Variants in SCN1A observed in about 807,000 individuals in gnomAD.
SCN1A encodes the protein sodium channel protein type 1 subunit alpha.
SCN1A carries 13 observed loss-of-function variants against 193.7 expected under a neutral mutation model. That is an observed-to-expected ratio of 0.07 (90% confidence interval 0.04 to 0.11). The LOEUF (loss-of-function observed/expected upper bound fraction) is 0.11, where lower values mean the gene tolerates loss of function less well. Ranked by LOEUF, SCN1A falls within the 10% of genes least tolerant of loss-of-function variation. SCN1A has a pLI of 1.00. For synonymous variants in SCN1A, 781 were observed against 843.6 expected (o/e 0.93, Z 1.29); for missense variants, 1,432 against 2,451.1 (o/e 0.58, Z 8.78).
At chr2:166,078,185 A>G (rs1292580249) in intron 2 of SCN1A, among the ~76,000 whole-genome samples, 2 of 151,716 alleles carry the variant, frequency 1.3e-5, no homozygotes, top group African/African-American at 4.8e-5. Flanking sequence ...TGATATATCA[A>G]ATTGGGTTCA....
At chr2:166,132,303 A>G (rs1328567969), upstream of SCN1A, among the ~76,000 whole-genome samples, 1 of 151,950 alleles carries the variant, frequency 6.6e-6, no homozygotes, top group Non-Finnish European at 1.5e-5. Context: ...GATAAAGCAC[A>G]CTACTGATGT....
chr2:166,044,747 G>T (rs1317032336), intron 13 of SCN1A, among the ~76,000 whole-genome samples: 11 of 151,914 alleles, frequency 7.2e-5, no homozygotes, highest in Non-Finnish European at 2.9e-5. Context: ...AAAGTGCTGA[G>T]GATCAAAAAG....
intron 2 of SCN1A, among the ~76,000 whole-genome samples, chr2:166,091,940 A>T (rs971687516): frequency 6.6e-6 from 1 of 152,160 alleles, no homozygotes; most frequent in African/African-American, 2.4e-5. Flanking sequence ...GGGCTATAGG[A>T]AGGGCAAATG....
intron 2 of SCN1A, among the ~76,000 whole-genome samples, chr2:166,094,644 C>T (rs560470833): frequency 3.2e-4 from 48 of 152,334 alleles, no homozygotes; most frequent in Admixed American, 2.0e-3. Context: ...TGGCATCTTA[C>T]TAGCAGTTTC....
intron 2 of SCN1A, among the ~76,000 whole-genome samples, chr2:166,101,346 C>T (rs1267630575): frequency 3.7e-5 from 4 of 108,386 alleles, no homozygotes; most frequent in African/African-American, 7.5e-5. Context: ...ATATCACACT[C>T]TGGGGACTGT....
upstream of SCN1A, among the ~76,000 whole-genome samples, chr2:166,129,893 C>T (rs1691583473): frequency 6.6e-6 from 1 of 152,102 alleles, no homozygotes; most frequent in South Asian, 2.1e-4. Flanking sequence ...CTACAGAGGA[C>T]TGGAGCAAGA....
chr2:166,011,364 T>G (rs1266204634), intron 22 of SCN1A, among the ~76,000 whole-genome samples: 2 of 151,114 alleles, frequency 1.3e-5, no homozygotes, highest in Non-Finnish European at 3.0e-5. Context: ...ATAGAAAACA[T>G]GATGCTTAAC....
chr2:166,066,332 C>T (rs1683839384), intron 4 of SCN1A, among the ~76,000 whole-genome samples: 1 of 152,126 alleles, frequency 6.6e-6, no homozygotes, highest in Non-Finnish European at 1.5e-5. Flanking sequence ...GGAAAGAACA[C>T]TTTTGAGCCC....
At chr2:166,135,426 A>G (rs977581798) in intron 1 of SCN1A, among the ~76,000 whole-genome samples, 4 of 152,144 alleles carry the variant, frequency 2.6e-5, no homozygotes, top group African/African-American at 9.7e-5. Flanking sequence ...TTTTCCTTTC[A>G]TGTTCAAAGG....
chr2:166,071,582 T>A (rs1339988984), intron 4 of SCN1A: 1 of 145,020 alleles, frequency 6.9e-6, no homozygotes, highest in African/African-American at 2.7e-5. Flanking sequence ...TGTATAATGT[T>A]TAAAAAAAAA....
At chr2:166,072,707 G>A (rs967183793) in intron 4 of SCN1A, among the ~76,000 whole-genome samples, 1 of 151,776 alleles carries the variant, frequency 6.6e-6, no homozygotes, top group Non-Finnish European at 1.5e-5. Flanking sequence ...GTATTTCCAA[G>A]TACAGAAAGT....
intron 2 of SCN1A, among the ~76,000 whole-genome samples, chr2:166,100,120 A>T (rs1687876155): frequency 7.3e-6 from 1 of 137,812 alleles, no homozygotes; most frequent in Non-Finnish European, 1.6e-5. Context: ...CTATACTACA[A>T]GGCTACAGTA....
At chr2:166,130,570 C>G (rs1359166976), upstream of SCN1A, among the ~76,000 whole-genome samples, 1 of 152,174 alleles carries the variant, frequency 6.6e-6, no homozygotes, top group African/African-American at 2.4e-5. Flanking sequence ...TTTCTATTTT[C>G]TCAGCAGATA....
In SCN1A at chr2:165,991,665, A is replaced by T. The variant is rs1403005079; in HGVS notation, c.5610T>A (p.Ala1870=). 2.5e-6 allele frequency: 4 copies of T among 1,613,912 alleles called. No homozygotes were observed. The highest frequency in any genetic ancestry group is 3.4e-6 in the Non-Finnish European group (4 of 1,179,922). Residue 1870 remains alanine, a synonymous_variant, in exon 29 of 29, where the codon GCT becomes GCA. Transcript: ENST00000674923. The stretch of plus-strand genomic sequence containing the variant: ...TCTCTCCTAGAACCCGCTTTGTAAA[A>T]GCAAATAAGATATCAAGACAGTGGA... The part of the protein sequence containing the change: ...DRIHCLDILF[A]FTKRVLGESG...
In SCN1A at chr2:166,076,006, T is replaced by TG. The variant is rs575606551; in HGVS notation, c.-50+1703_-50+1704insC. ...TTAAAAACAGCCCATTTTTTCCTTC[T>TG]ATTTTTTTCAATCTATAGCATCTTT... On this transcript the variant is annotated intron_variant, in intron 3 of 28. Coordinates refer to ENST00000674923, the MANE Select transcript of SCN1A (RefSeq NM_001165963.4). 2.0e-3 allele frequency among the ~76,000 whole-genome samples: 308 copies of TG among 152,148 alleles called. 2 individuals are homozygous for TG. The highest frequency in any genetic ancestry group is 7.1e-3 in the African/African-American group (296 of 41,572).
rs1305953931 is a variant in SCN1A at position 165,988,067 on chromosome 2, C to T, written c.*3178G>A. ...GTTGAGGCTATATTCCCTCTTCTGG[C>T]TTCACCTGATGACAAGGGAAGGCTT... is the stretch of plus-strand genomic sequence containing the variant. On this transcript the variant is annotated 3_prime_UTR_variant, in exon 29 of 29. Coordinates refer to ENST00000674923, the MANE Select transcript of SCN1A (RefSeq NM_001165963.4). 6.6e-6 allele frequency: 1 copy of T among 152,080 alleles called. No homozygotes were observed. The highest frequency in any genetic ancestry group is 1.5e-5 in the Non-Finnish European group (1 of 68,030). 9.4% of individuals were successfully genotyped at this position (152,080 alleles called of 1,614,324 possible).
At chr2:166,031,737 A>G (rs999696741) in intron 19 of SCN1A, among the ~76,000 whole-genome samples, 22 of 152,118 alleles carry the variant, frequency 1.4e-4, no homozygotes, top group African/African-American at 3.1e-4. Context: ...CAGATATTCT[A>G]TATTAATTAG....
At chr2:166,050,613 G>GTA (rs368513344) in intron 9 of SCN1A, among the ~76,000 whole-genome samples, 17,585 of 65,040 alleles carry the variant, frequency 0.27, 2,696 homozygotes, top group South Asian at 0.34. Context: ...ATTAAAAAAA[G>GTA]TATATATATA....
upstream of SCN1A, among the ~76,000 whole-genome samples, chr2:166,130,401 A>G (rs1014561189): frequency 1.3e-5 from 2 of 152,190 alleles, no homozygotes; most frequent in African/African-American, 4.8e-5. Context: ...TCATATGGAA[A>G]GGCACAACGC....
Sources: allele counts gnomAD v4.1 joint callset (sites outside exome capture counted in the v4.1 genomes callset), GRCh38; gene constraint gnomAD v4.1.1; transcripts MANE v1.5; gene names NCBI Gene and HGNC (gene_info 2026-07-23, HGNC 2026-07-21).